Variants in CADM1 observed in about 807,000 individuals in gnomAD.
The protein encoded by CADM1 is cell adhesion molecule 1.
CADM1 carries 15 observed loss-of-function variants against 53.1 expected under a neutral mutation model. That is an observed-to-expected ratio of 0.28 (90% CI 0.19 to 0.44). The LOEUF (loss-of-function observed/expected upper bound fraction) is 0.44. Ranked by LOEUF, CADM1 falls within the 20% of genes least tolerant of loss-of-function variation. The pLI is 1.00. For missense variants in CADM1, 434 were observed against 611.3 expected, an observed-to-expected ratio of 0.71 and a Z score of 3.06; for synonymous variants, 281 against 243.0, an observed-to-expected ratio of 1.16 and a Z score of -1.45.
At chr11:115,497,997 C>T (rs1375723751) in intron 1 of CADM1, among the ~76,000 whole-genome samples, 1 of 150,204 alleles carries the variant, frequency 6.7e-6, no homozygotes. Flanking sequence ...AAAAAACCCT[C>T]ACATTTCATG....
At chr11:115,447,201 G>C in intron 1 of CADM1, among the ~76,000 whole-genome samples, 1 of 152,142 alleles carries the variant, frequency 6.6e-6, no homozygotes, top group East Asian at 1.9e-4. Flanking sequence ...TTCTAGACTT[G>C]TTAGTATCTG....
intron 1 of CADM1, among the ~76,000 whole-genome samples, chr11:115,469,767 G>T (rs906581235): frequency 6.7e-6 from 1 of 149,298 alleles, no homozygotes; most frequent in East Asian, 2.0e-4. Flanking sequence ...CGCCTCCCAG[G>T]TTCAAGAGAT....
At chr11:115,204,591 G>A (rs1940591486) in intron 8 of CADM1, among the ~76,000 whole-genome samples, 1 of 152,182 alleles carries the variant, frequency 6.6e-6, no homozygotes, top group South Asian at 2.1e-4. Context: ...GGAATAGCCA[G>A]CTGTATTTGG....
At chr11:115,289,586 T>C (rs1360740184) in intron 1 of CADM1, among the ~76,000 whole-genome samples, 1 of 119,030 alleles carries the variant, frequency 8.4e-6, no homozygotes, top group African/African-American at 4.1e-5. Context: ...GAATTTTCTT[T>C]TTTTTTCTTT....
At chr11:115,460,837 T>C (rs780313242) in intron 1 of CADM1, among the ~76,000 whole-genome samples, 17 of 152,118 alleles carry the variant, frequency 1.1e-4, no homozygotes, top group Non-Finnish European at 2.5e-4. Context: ...GCTCAATGTT[T>C]TCCATTTTTC....
intron 1 of CADM1, among the ~76,000 whole-genome samples, chr11:115,441,210 T>C (rs1948303048): frequency 6.6e-6 from 1 of 151,934 alleles, no homozygotes; most frequent in South Asian, 2.1e-4. Flanking sequence ...TTAGAAATCA[T>C]ATACATGCTG....
intron 1 of CADM1, among the ~76,000 whole-genome samples, chr11:115,488,564 A>G (rs1364937010): frequency 6.6e-6 from 1 of 152,220 alleles, no homozygotes; most frequent in East Asian, 1.9e-4. Flanking sequence ...CCACCTCTAT[A>G]TTCACAGGAA....
At chr11:115,465,071 G>A (rs1055875416) in intron 1 of CADM1, among the ~76,000 whole-genome samples, 4 of 152,122 alleles carry the variant, frequency 2.6e-5, no homozygotes, top group East Asian at 3.9e-4. Context: ...TGCTAATGAG[G>A]AAGCTGAAAA....
chr11:115,281,001 T>C (rs1943569864), intron 1 of CADM1, among the ~76,000 whole-genome samples: 1 of 152,224 alleles, frequency 6.6e-6, no homozygotes, highest in Admixed American at 6.5e-5. Context: ...AGCTCACTAA[T>C]GACAACTGCG....
At chr11:115,192,095 G>A (rs935332680) in intron 9 of CADM1, among the ~76,000 whole-genome samples, 2 of 152,218 alleles carry the variant, frequency 1.3e-5, no homozygotes, top group African/African-American at 4.8e-5. Context: ...TTTGAAACAA[G>A]TAATGTCAAA....
Position 115,226,439 on chromosome 11 carries a change from G to A in CADM1, c.721+2674C>T, listed in dbSNP as rs189730477. On this transcript the variant is annotated intron_variant, in intron 5 of 11. Transcript: ENST00000331581. ...TTTTCCAGGTCTATAGCTATCAAAG[G>A]GTTTTTAAAGGGGCCAATGATCCCC... Among the ~76,000 whole-genome samples, 1,071 of 152,208 alleles carry A rather than the reference G, an allele frequency of 7.0e-3. 49 individuals are homozygous for A. Among genetic ancestry groups the A allele is most frequent in the Admixed American group, 0.063 (963 of 15,282 alleles).
At chr11:115,485,347 A>G (rs1334670544) in intron 1 of CADM1, among the ~76,000 whole-genome samples, 1 of 152,204 alleles carries the variant, frequency 6.6e-6, no homozygotes, top group Admixed American at 6.5e-5. Flanking sequence ...CACCTAATAC[A>G]ATGATTGGCA....
At chr11:115,494,927 G>T (rs1949576500) in intron 1 of CADM1, among the ~76,000 whole-genome samples, 1 of 152,202 alleles carries the variant, frequency 6.6e-6, no homozygotes, top group Admixed American at 6.5e-5. Flanking sequence ...CTGGCCCAGA[G>T]ATGGAGAGAT....
At chr11:115,414,861 T>C (rs893532355) in intron 1 of CADM1, among the ~76,000 whole-genome samples, 10 of 152,222 alleles carry the variant, frequency 6.6e-5, no homozygotes, top group African/African-American at 2.4e-4. Flanking sequence ...TTAGTTTCAC[T>C]TCCACAATGA....
intron 10 of CADM1, among the ~76,000 whole-genome samples, chr11:115,181,145 G>A (rs1939291353): frequency 7.0e-6 from 1 of 143,334 alleles, no homozygotes; most frequent in Admixed American, 7.0e-5. Context: ...CCTAGACACA[G>A]GAATATTCTG....
At chr11:115,253,215 C>A (rs1942662750) in intron 1 of CADM1, among the ~76,000 whole-genome samples, 1 of 152,210 alleles carries the variant, frequency 6.6e-6, no homozygotes, top group South Asian at 2.1e-4. Context: ...GACAAGCTGG[C>A]CCTAAACAGT....
In CADM1 at chr11:115,175,452, T is replaced by G. The variant is rs1290240211; in HGVS notation, c.*1022A>C. On this transcript the variant is annotated 3_prime_UTR_variant, in exon 12 of 12. Transcript: ENST00000331581. ...GAACTTGCTTTTTCCTACAAATTAG[T>G]GAGAAGTAAGGCCGATTGGGAAAGG... 24 of 985,228 alleles carry G rather than the reference T, an allele frequency of 2.4e-5. No individual in the cohort carries two copies. The highest frequency in any genetic ancestry group is 2.9e-5 in the Non-Finnish European group (24 of 829,882). 61.0% of individuals were successfully genotyped at this position (985,228 alleles called of 1,614,324 possible). A position where few individuals can be genotyped will look rare whatever the true frequency, so the allele number is the denominator to read the frequency against.
chr11:115,260,398 C>T (rs371165441), intron 1 of CADM1, among the ~76,000 whole-genome samples: 32 of 152,338 alleles, frequency 2.1e-4, no homozygotes, highest in African/African-American at 6.7e-4. Flanking sequence ...ATTGGTTGTA[C>T]GCTGGATGTA....
At chr11:115,177,217 C>A (rs980588747) in intron 11 of CADM1, among the ~76,000 whole-genome samples, 1 of 152,176 alleles carries the variant, frequency 6.6e-6, no homozygotes, top group African/African-American at 2.4e-5. Flanking sequence ...GGTTTGGGAT[C>A]TGTCTTAATG....
Sources: gnomAD v4.1 joint callset for allele counts (sites outside exome capture counted in the v4.1 genomes callset) on GRCh38, gnomAD v4.1.1 for gene constraint, MANE v1.5 for transcripts, NCBI Gene and HGNC (gene_info 2026-07-23, HGNC 2026-07-21) for gene names.